Variants in DEK observed in about 807,000 individuals in gnomAD.
The protein encoded by DEK is protein DEK.
A neutral mutation model predicts 46.8 loss-of-function variants in DEK; 28 were observed. The observed-to-expected ratio is 0.60, with a 90% CI of 0.44 to 0.82. DEK has a LOEUF of 0.82. Among genes scored for constraint, DEK ranks in the 40% least tolerant of loss-of-function variants. The pLI is 0.00. For synonymous variants in DEK, 160 were observed against 144.5 expected (o/e 1.11, Z -0.77); for missense variants, 416 against 430.6 (o/e 0.97, Z 0.30).
intron 7 of DEK, among the ~76,000 whole-genome samples, chr6:18,241,154 G>A (rs968878530): frequency 4.6e-5 from 7 of 152,030 alleles, no homozygotes; most frequent in African/African-American, 1.7e-4. Context: ...TCATCACTTC[G>A]GCTGCCCTGA....
At chr6:18,259,236 A>G (rs902057098) in intron 2 of DEK, among the ~76,000 whole-genome samples, 2 of 151,416 alleles carry the variant, frequency 1.3e-5, no homozygotes, top group Non-Finnish European at 2.9e-5. Flanking sequence ...CTACTAAAAA[A>G]TACAAAAAAT....
chr6:18,224,583 A>G lies in DEK; in HGVS notation c.*1136T>C, dbSNP rs1368920745. 4.9e-6 allele frequency: 1 copy of G among 202,582 alleles called. No individual in the cohort carries two copies. Among genetic ancestry groups the G allele is most frequent in the East Asian group, 7.6e-5 (1 of 13,144 alleles). 12.5% of individuals were successfully genotyped at this position (202,582 alleles called of 1,614,324 possible). On this transcript the variant is annotated 3_prime_UTR_variant, in exon 11 of 11. Transcript: ENST00000652689. Reference sequence around the variant, plus strand: ...CCAAACTCTGAAAGCCAAGAGCCCCAACTCCAGAGAAACATTAAATTTCTT... The same window carrying G: ...CCAAACTCTGAAAGCCAAGAGCCCCGACTCCAGAGAAACATTAAATTTCTT...
intron 2 of DEK, among the ~76,000 whole-genome samples, chr6:18,262,114 C>T (rs896747196): frequency 6.6e-6 from 1 of 152,002 alleles, no homozygotes; most frequent in Admixed American, 6.6e-5. Context: ...CAACTTGCTC[C>T]CACTCCCAAA....
intron 6 of DEK, among the ~76,000 whole-genome samples, chr6:18,252,688 T>C (rs1791440365): frequency 6.6e-6 from 1 of 152,172 alleles, no homozygotes; most frequent in South Asian, 2.1e-4. Flanking sequence ...TGAGACCTTT[T>C]TCGGAGTCTC....
intron 6 of DEK, among the ~76,000 whole-genome samples, chr6:18,254,438 G>A (rs145035904): frequency 2.0e-5 from 3 of 152,014 alleles, no homozygotes; most frequent in Non-Finnish European, 2.9e-5. Context: ...TTAAACAGAT[G>A]TACAAAAACA....
At chr6:18,261,310 C>T (rs1330024446) in intron 2 of DEK, among the ~76,000 whole-genome samples, 7 of 152,152 alleles carry the variant, frequency 4.6e-5, no homozygotes, top group African/African-American at 1.2e-4. Context: ...CAGTGGCTTA[C>T]GTCTGTAATC....
Position 18,225,700 on chromosome 6 carries a change from A to AT in DEK, c.*18dup. On this transcript the variant is annotated 3_prime_UTR_variant, in exon 11 of 11. Transcript: ENST00000652689. ...ATCTTCAAATCTATGGGAACGAGTC[A>AT]TCTTCTCTGTCCTCTATCTCAAGAA... 1 of 1,612,396 alleles carries AT rather than the reference A, an allele frequency of 6.2e-7. No individual in the cohort carries two copies. Among genetic ancestry groups the AT allele is most frequent in the East Asian group, 2.2e-5 (1 of 44,792 alleles).
At position 18,249,849 on chromosome 6, in the gene DEK, A is replaced by AATTTATAAAG. The variant is rs1283370075; in HGVS notation, c.574-20_574-11dup. On this transcript the variant is annotated splice_polypyrimidine_tract_variant and intron_variant, in intron 6 of 10. Coordinates refer to ENST00000652689, the MANE Select transcript of DEK (RefSeq NM_003472.4). The stretch of plus-strand genomic sequence containing the variant: ...TAGATTTCGGCAATGGCTGCATAAA[A>AATTTATAAAG]ATTTATAAAGATAACACCAATGAGG... 6.3e-7 allele frequency: 1 copy of AATTTATAAAG among 1,587,616 alleles called. No homozygotes were observed. The highest frequency in any genetic ancestry group is 8.5e-7 in the Non-Finnish European group (1 of 1,172,586).
intron 6 of DEK, among the ~76,000 whole-genome samples, chr6:18,252,158 TG>T (rs1358826927): frequency 6.6e-6 from 1 of 152,148 alleles, no homozygotes; most frequent in Non-Finnish European, 1.5e-5. Flanking sequence ...AATGTTGTGT[TG>T]ATTAAACCAT....
At chr6:18,256,568 C>A in intron 4 of DEK, 113 bp from the exon 5 acceptor site, 1 of 784,850 alleles carries the variant, frequency 1.3e-6, no homozygotes, top group Non-Finnish European at 2.0e-6. Flanking sequence ...CTGTAAGTTA[C>A]AATACTGGCT....
chr6:18,249,734 A>T lies in DEK; in HGVS notation c.679T>A (p.Ser227Thr), dbSNP rs368379351. 1.2e-6 allele frequency: 2 copies of T among 1,613,810 alleles called. No homozygotes were observed. Among genetic ancestry groups the T allele is most frequent in the African/African-American group, 2.7e-5 (2 of 74,878 alleles). The change falls in exon 7 of 11, where the codon TCA becomes ACA. Residue 227 changes from serine (S) to threonine (T), a missense_variant. Transcript: ENST00000652689. Reference protein sequence around the residue: ...AKRTKCPEILSDESSSDEDEK... With the variant: ...AKRTKCPEILTDESSSDEDEK... Reference sequence around the variant, plus strand: ...TCTTCATCACTACTAGATTCATCTGACAGAATTTCAGGACATTTGGTTCGC... The same window carrying T: ...TCTTCATCACTACTAGATTCATCTGTCAGAATTTCAGGACATTTGGTTCGC...
chr6:18,236,316 G>A (rs898441663), intron 9 of DEK, 136 bp downstream of exon 9: 5 of 855,918 alleles, frequency 5.8e-6, no homozygotes, highest in Admixed American at 6.2e-5. Context: ...GCACCTGTAA[G>A]GAGATCTGGC....
chr6:18,263,961 C>A lies in DEK; in HGVS notation c.27G>T (p.Glu9Asp), dbSNP rs1254411997. 4 of 1,612,682 alleles carry A rather than the reference C, an allele frequency of 2.5e-6. No individual in the cohort carries two copies. The highest frequency in any genetic ancestry group is 2.2e-5 in the South Asian group (2 of 90,940). ...CGGGCTGGGTGGGGGTTCCCTCCCC[C>A]TCCGCAGCAGGGGCCGAGGCGGACA... MSASAPAA[E>D]GEGTPTQPAS... Residue 9 changes from glutamate to aspartate, a missense_variant, in exon 2 of 11, where the codon GAG (glutamate) becomes GAT (aspartate). By Grantham distance (45) the Glu-to-Asp change is conservative. Transcript: ENST00000652689.
intron 7 of DEK, among the ~76,000 whole-genome samples, chr6:18,242,708 A>C (rs1352467461): frequency 6.6e-6 from 1 of 152,204 alleles, no homozygotes; most frequent in East Asian, 1.9e-4. Context: ...TATGTGACTT[A>C]ATAATGGCCC....
chr6:18,239,058 G>A (rs1224738988), intron 7 of DEK, among the ~76,000 whole-genome samples: 5 of 152,088 alleles, frequency 3.3e-5, no homozygotes, highest in Non-Finnish European at 7.4e-5. Flanking sequence ...TTGAGTAGCT[G>A]GGATTACAGG....
chr6:18,237,316 T>C, intron 8 of DEK, 65 bp downstream of exon 8: 2 of 1,518,272 alleles, frequency 1.3e-6, no homozygotes, highest in Non-Finnish European at 1.8e-6. Context: ...ACTTAAATAC[T>C]ATGTACAACA....
At chr6:18,259,036 C>T (rs556172691) in intron 2 of DEK, among the ~76,000 whole-genome samples, 1 of 152,060 alleles carries the variant, frequency 6.6e-6, no homozygotes, top group African/African-American at 2.4e-5. Context: ...ATTGTTTAGT[C>T]ACAAAAATCT....
chr6:18,256,511 T>C, intron 4 of DEK, 56 bp from the exon 5 acceptor site: 1 of 1,447,196 alleles, frequency 6.9e-7, no homozygotes, highest in Non-Finnish European at 9.5e-7. Flanking sequence ...TACACAAGAA[T>C]AAATTCAAAG....
chr6:18,259,439 A>C (rs952140887), intron 2 of DEK, among the ~76,000 whole-genome samples: 4 of 145,106 alleles, frequency 2.8e-5, no homozygotes, highest in African/African-American at 7.6e-5. Flanking sequence ...AAAAATCTAG[A>C]AAACAGGTAG....
Sources: allele counts gnomAD v4.1 joint callset (sites outside exome capture counted in the v4.1 genomes callset), GRCh38; gene constraint gnomAD v4.1.1; transcripts MANE v1.5; gene names NCBI Gene and HGNC (gene_info 2026-07-23, HGNC 2026-07-21).